Variants in PDE7A observed in about 807,000 individuals in gnomAD.
The protein encoded by PDE7A is high affinity 3',5'-cyclic-AMP phosphodiesterase 7A.
PDE7A carries 39 observed loss-of-function variants against 64.3 expected under a neutral mutation model. That is an observed-to-expected ratio of 0.61 (90% CI 0.47 to 0.79). PDE7A has a LOEUF of 0.79. Ranked by LOEUF, PDE7A falls within the 30% of genes least tolerant of loss-of-function variation. PDE7A has a pLI of 0.00. For missense variants in PDE7A, 470 were observed against 582.8 expected (o/e 0.81, Z 1.99); for synonymous variants, 203 against 206.8 (o/e 0.98, Z 0.16).
At chr8:65,762,639 G>A (rs1585888748) in intron 3 of PDE7A, among the ~76,000 whole-genome samples, 1 of 151,866 alleles carries the variant, frequency 6.6e-6, no homozygotes, top group African/African-American at 2.4e-5. Context: ...GCACATTTTT[G>A]GCAAAGAAAA....
At chr8:65,757,456 T>C (rs1481673815) in intron 3 of PDE7A, among the ~76,000 whole-genome samples, 1 of 152,166 alleles carries the variant, frequency 6.6e-6, no homozygotes, top group Non-Finnish European at 1.5e-5. Flanking sequence ...TCTCCCAGGG[T>C]GAGGCTACTC....
intron 1 of PDE7A, among the ~76,000 whole-genome samples, chr8:65,799,269 C>T (rs1313547203): frequency 1.3e-5 from 2 of 152,044 alleles, no homozygotes; most frequent in Non-Finnish European, 2.9e-5. Flanking sequence ...TCCACCCCAC[C>T]CCCAACCCCC....
chr8:65,786,858 A>T (rs1809570622), intron 1 of PDE7A, among the ~76,000 whole-genome samples: 1 of 152,196 alleles, frequency 6.6e-6, no homozygotes, highest in Non-Finnish European at 1.5e-5. Context: ...GGCTGAGCTA[A>T]TCAGAAACTG....
At chr8:65,794,977 G>C (rs1464515633) in intron 1 of PDE7A, among the ~76,000 whole-genome samples, 1 of 152,180 alleles carries the variant, frequency 6.6e-6, no homozygotes, top group Non-Finnish European at 1.5e-5. Context: ...GAGCTTGTCA[G>C]GTACAGGCAG....
chr8:65,829,494 T>C (rs899364254), intron 1 of PDE7A, among the ~76,000 whole-genome samples: 1 of 152,026 alleles, frequency 6.6e-6, no homozygotes, highest in African/African-American at 2.4e-5. Context: ...ACCCAAATAA[T>C]GTCCATTAAA....
rs572590400 is a variant in PDE7A, at chr8:65,798,826, T to C, written c.139-15983A>G. On this transcript the variant is annotated intron_variant, in intron 1 of 12. Coordinates refer to ENST00000401827, the MANE Select transcript of PDE7A (RefSeq NM_001242318.3). ...TTCATACCAGTTTTATTCCTAAAAG[T>C]CAAAGCTGGTAACAACATAAGCATT... Among the ~76,000 whole-genome samples, 4 of 152,120 alleles carry C rather than the reference T, an allele frequency of 2.6e-5. No individual in the cohort carries two copies. In the South Asian group the frequency reaches 8.3e-4, roughly 32 times the overall value.
intron 3 of PDE7A, among the ~76,000 whole-genome samples, chr8:65,774,837 G>C (rs1809211192): frequency 2.0e-5 from 3 of 152,036 alleles, no homozygotes; most frequent in Admixed American, 6.6e-5. Flanking sequence ...TCTCATATCT[G>C]CTAATACACT....
intron 3 of PDE7A, among the ~76,000 whole-genome samples, chr8:65,777,321 C>T (rs1000996359): frequency 5.3e-5 from 8 of 151,950 alleles, no homozygotes; most frequent in South Asian, 2.1e-4. Flanking sequence ...TCAGATGATC[C>T]GCCCGCCTCA....
At chr8:65,811,028 C>A (rs1051745127) in intron 1 of PDE7A, among the ~76,000 whole-genome samples, 3 of 151,744 alleles carry the variant, frequency 2.0e-5, no homozygotes, top group Admixed American at 2.0e-4. Context: ...GTGTAAACAA[C>A]AAAAATTGTA....
At chr8:65,742,458 C>T (rs1417983059) in intron 5 of PDE7A, among the ~76,000 whole-genome samples, 1 of 152,186 alleles carries the variant, frequency 6.6e-6, no homozygotes, top group Non-Finnish European at 1.5e-5. Flanking sequence ...AAGCTGGGAA[C>T]GATTTGTCTT....
intron 6 of PDE7A, among the ~76,000 whole-genome samples, chr8:65,736,441 ATAAT>A (rs563238500): frequency 5.9e-5 from 9 of 152,342 alleles, no homozygotes; most frequent in African/African-American, 2.2e-4. Flanking sequence ...CATACTACTT[ATAAT>A]TAATACACAT....
chr8:65,736,701 G>A (rs1246129646), intron 6 of PDE7A, among the ~76,000 whole-genome samples: 1 of 151,502 alleles, frequency 6.6e-6, no homozygotes, highest in African/African-American at 2.4e-5. Flanking sequence ...AGTGAGCCAT[G>A]ATCACGCCAC....
At chr8:65,766,564 G>A (rs1378880794) in intron 3 of PDE7A, among the ~76,000 whole-genome samples, 1 of 152,136 alleles carries the variant, frequency 6.6e-6, no homozygotes, top group African/African-American at 2.4e-5. Context: ...AGAAAGCTCT[G>A]GGCACCTTTC....
chr8:65,801,970 CA>C (rs1261802491), intron 1 of PDE7A, among the ~76,000 whole-genome samples: 1 of 152,088 alleles, frequency 6.6e-6, no homozygotes, highest in Admixed American at 6.5e-5. Flanking sequence ...ATAGAAGAGA[CA>C]AAAAATTAAG....
intron 1 of PDE7A, among the ~76,000 whole-genome samples, chr8:65,825,582 T>C (rs573142666): frequency 1.5e-3 from 223 of 152,312 alleles, no homozygotes; most frequent in African/African-American, 5.2e-3. Context: ...AGAGTTAAGA[T>C]AGTTCCAATA....
intron 5 of PDE7A, among the ~76,000 whole-genome samples, chr8:65,740,609 C>A (rs1229434368): frequency 6.6e-6 from 1 of 152,112 alleles, no homozygotes; most frequent in Non-Finnish European, 1.5e-5. Context: ...ACTTTGTTGG[C>A]CAGGCTGGTC....
intron 1 of PDE7A, among the ~76,000 whole-genome samples, chr8:65,822,835 C>G (rs929588617): frequency 6.6e-6 from 1 of 152,162 alleles, no homozygotes; most frequent in Non-Finnish European, 1.5e-5. Flanking sequence ...CAGGCTCCCC[C>G]ACTCCCATTT....
chr8:65,761,838 C>T (rs1385254433), intron 3 of PDE7A, among the ~76,000 whole-genome samples: 1 of 152,112 alleles, frequency 6.6e-6, no homozygotes, highest in Non-Finnish European at 1.5e-5. Context: ...AAATACAAGC[C>T]CCAGGTCAAG....
At chr8:65,775,183 C>CT (rs1446939943) in intron 3 of PDE7A, among the ~76,000 whole-genome samples, 1 of 152,198 alleles carries the variant, frequency 6.6e-6, no homozygotes, top group Non-Finnish European at 1.5e-5. Context: ...TCCATTCAAT[C>CT]TTTAAGTTAG....
Sources: gnomAD v4.1 joint callset for allele counts (sites outside exome capture counted in the v4.1 genomes callset) on GRCh38, gnomAD v4.1.1 for gene constraint, MANE v1.5 for transcripts, NCBI Gene and HGNC (gene_info 2026-07-23, HGNC 2026-07-21) for gene names.